Variants in WDR17 observed in about 807,000 individuals in gnomAD.
WDR17 encodes WD repeat domain 17.
In WDR17, 143 loss-of-function variants were observed where a neutral mutation model predicts 161.7. The ratio of observed to expected loss-of-function variants is 0.88; its 90% CI spans 0.77 to 1.02. The LOEUF (loss-of-function observed/expected upper bound fraction) is 1.02, where lower values mean the gene tolerates loss of function less well. Among genes scored for constraint, WDR17 ranks in the 50% least tolerant of loss-of-function variants. WDR17 has a pLI of 0.00. For missense variants in WDR17, 1,469 were observed against 1,520.9 expected, an observed-to-expected ratio of 0.97 and a Z score of 0.57; for synonymous variants, 517 against 515.6, an observed-to-expected ratio of 1.00 and a Z score of -0.04.
At chr4:176,144,873 T>C (rs1184489731) in intron 11 of WDR17, among the ~76,000 whole-genome samples, 1 of 152,006 alleles carries the variant, frequency 6.6e-6, no homozygotes, top group East Asian at 1.9e-4. Flanking sequence ...TATGTATCTG[T>C]ATATACATAT....
In WDR17 at chr4:176,116,103, G is replaced by T. The variant is rs543987853; in HGVS notation, c.307+124G>T. 6.1e-6 allele frequency: 6 copies of T among 985,872 alleles called. No individual in the cohort carries two copies. The African/African-American group carries it at 1.0e-4, about 17-fold the overall frequency. 61.1% of individuals were successfully genotyped at this position (985,872 alleles called of 1,614,324 possible). On this transcript the variant is annotated intron_variant, in intron 3 of 28. Transcript: ENST00000508596. Reference sequence around the variant, plus strand: ...AACTTCTTAATGGTAATCTGTATAAGAAATAAATTTCACATAATGACTCAT... The same window carrying T: ...AACTTCTTAATGGTAATCTGTATAATAAATAAATTTCACATAATGACTCAT...
chr4:176,107,516 A>G (rs1738940079), intron 1 of WDR17, among the ~76,000 whole-genome samples: 1 of 151,234 alleles, frequency 6.6e-6, no homozygotes, highest in Non-Finnish European at 1.5e-5. Flanking sequence ...AATAGCTAAA[A>G]CATGGAAGCA....
At chr4:176,133,177 T>A (rs1218560599) in intron 7 of WDR17, among the ~76,000 whole-genome samples, 3 of 138,436 alleles carry the variant, frequency 2.2e-5, no homozygotes, top group Middle Eastern at 7.1e-3. Flanking sequence ...AACAATTTTT[T>A]ATTTTTATTT....
At chr4:176,090,227 C>T (rs1216802562) in intron 1 of WDR17, among the ~76,000 whole-genome samples, 1 of 147,704 alleles carries the variant, frequency 6.8e-6, no homozygotes, top group Non-Finnish European at 1.5e-5. Flanking sequence ...AATTCTTGCT[C>T]TATTAGTTCC....
intron 1 of WDR17, among the ~76,000 whole-genome samples, chr4:176,083,700 G>A (rs1345789344): frequency 6.6e-6 from 1 of 152,080 alleles, no homozygotes; most frequent in Admixed American, 6.6e-5. Context: ...ACACTTAGGA[G>A]TGGAAATGCT....
chr4:176,105,701 G>A (rs1205727639), intron 1 of WDR17, among the ~76,000 whole-genome samples: 1 of 152,100 alleles, frequency 6.6e-6, no homozygotes, highest in Non-Finnish European at 1.5e-5. Context: ...AAACTTATGG[G>A]ATGCAGTGGA....
At chr4:176,078,746 T>G (rs1734374234) in intron 1 of WDR17, among the ~76,000 whole-genome samples, 1 of 152,064 alleles carries the variant, frequency 6.6e-6, no homozygotes, top group Admixed American at 6.6e-5. Context: ...ATTTTTTAAT[T>G]AATTTATTTT....
chr4:176,096,490 CA>C (rs754931811), intron 1 of WDR17: 1 of 1,580,538 alleles, frequency 6.3e-7, no homozygotes, highest in South Asian at 1.1e-5. Context: ...GCCGAGTTTC[CA>C]ATTGCCTTGA....
At chr4:176,114,805 A>G (rs72706347) in intron 2 of WDR17, among the ~76,000 whole-genome samples, 11,568 of 151,742 alleles carry the variant, frequency 0.076, 592 homozygotes, top group Non-Finnish European at 0.1. Context: ...GAAGAGGTGC[A>G]TTTAAACTCA....
intron 1 of WDR17, among the ~76,000 whole-genome samples, chr4:176,076,408 GT>G (rs564678477): frequency 0.013 from 1,385 of 109,328 alleles, 31 homozygotes; most frequent in African/African-American, 0.044. Context: ...GTCGTTGTTG[GT>G]TTTTTTTTTT....
At chr4:176,084,774 A>T (rs191189549) in intron 1 of WDR17, among the ~76,000 whole-genome samples, 8,611 of 146,524 alleles carry the variant, frequency 0.059, 548 homozygotes, top group African/African-American at 0.16. Context: ...ATTATATATT[A>T]TATATATATA....
intron 1 of WDR17, among the ~76,000 whole-genome samples, chr4:176,095,438 T>C (rs1458967181): frequency 6.6e-6 from 1 of 152,138 alleles, no homozygotes; most frequent in Non-Finnish European, 1.5e-5. Context: ...AAAATACTTC[T>C]AAAGAGTAAG....
chr4:176,168,914 C>A, intron 23 of WDR17, 131 bp downstream of exon 23: 1 of 973,958 alleles, frequency 1.0e-6, no homozygotes, highest in Non-Finnish European at 1.5e-6. Context: ...ACAAGTACAA[C>A]AAAAGTGTTG....
rs1211985714 is a variant in WDR17, at chr4:176,179,568, A to C, written c.3841A>C (p.Asn1281His). 1.7e-5 allele frequency: 26 copies of C among 1,560,134 alleles called. No homozygotes were observed. Among genetic ancestry groups the C allele is most frequent in the Non-Finnish European group, 2.2e-5 (25 of 1,154,286 alleles). The part of the protein sequence containing the change: ...FSPLGTGIRL[N>H]PF ...ACCTTTAGGGACTGGAATACGACTC[A>C]ATCCATTCTGATAGAAGATTTTTGT... The change falls in exon 29 of 29, where the codon AAT (asparagine) becomes CAT (histidine). Residue 1281 changes from asparagine (N) to histidine (H), a missense_variant. Physicochemically the swap from Asn to His is moderately conservative, Grantham distance 68. Coordinates refer to ENST00000508596, the MANE Select transcript of WDR17 (RefSeq NM_181265.4).
intron 18 of WDR17, among the ~76,000 whole-genome samples, chr4:176,159,277 A>ACATG (rs1748650168): frequency 7.3e-6 from 1 of 137,158 alleles, no homozygotes; most frequent in Non-Finnish European, 1.5e-5. Context: ...ACACACATGC[A>ACATG]CACACACACA....
chr4:176,068,622 A>C (rs1454111122), intron 1 of WDR17, among the ~76,000 whole-genome samples: 1 of 152,188 alleles, frequency 6.6e-6, no homozygotes, highest in Non-Finnish European at 1.5e-5. Flanking sequence ...GAAAAGAAAA[A>C]GAAAAAAAGG....
chr4:176,167,664 A>AAACAACAAC, intron 22 of WDR17, among the ~76,000 whole-genome samples: 1 of 146,914 alleles, frequency 6.8e-6, no homozygotes, highest in African/African-American at 2.6e-5. Flanking sequence ...AAAAAAAAAA[A>AAACAACAAC]AAAAAAAACA....
At position 176,119,921 on chromosome 4, in the gene WDR17, T is replaced by A. The variant is rs746838850; in HGVS notation, c.362T>A (p.Val121Asp). 2 of 1,614,130 alleles carry A rather than the reference T, an allele frequency of 1.2e-6. No individual in the cohort carries two copies. Among genetic ancestry groups the A allele is most frequent in the Admixed American group, 1.7e-5 (1 of 60,018 alleles). ...CWNAEDVVAF[V>D]SHRGPLFIWT... ...AATGCAGAGGATGTGGTGGCATTTGTTTCCCACAGAGGCCCACTGTTCATT... is the reference window on the plus strand; with the variant it reads ...AATGCAGAGGATGTGGTGGCATTTGATTCCCACAGAGGCCCACTGTTCATT... Residue 121 changes from valine (V) to aspartate (D), a missense_variant, in exon 4 of 29, where the codon GTT becomes GAT. Val to Asp is a radical substitution (Grantham distance 152). Transcript: ENST00000508596.
intron 15 of WDR17, 77 bp downstream of exon 15, chr4:176,150,250 A>G: frequency 6.4e-7 from 1 of 1,566,074 alleles, no homozygotes; most frequent in Non-Finnish European, 8.7e-7. Flanking sequence ...TTATTCACAT[A>G]TTTACATGTA....
Sources: gnomAD v4.1 joint callset for allele counts (sites outside exome capture counted in the v4.1 genomes callset) on GRCh38, gnomAD v4.1.1 for gene constraint, MANE v1.5 for transcripts, NCBI Gene and HGNC (gene_info 2026-07-23, HGNC 2026-07-21) for gene names.